RELCH: variants seen among roughly 807,000 people sequenced by gnomAD.
RELCH encodes the protein RAB11-binding protein RELCH.
A neutral mutation model predicts 150.3 loss-of-function variants in RELCH; 41 were observed. The observed-to-expected ratio is 0.27, with a 90% CI of 0.21 to 0.35. The LOEUF is 0.35. Ranked by LOEUF, RELCH falls within the 10% of genes least tolerant of loss-of-function variation. The pLI is 1.00. For synonymous variants in RELCH, 478 were observed against 531.8 expected (o/e 0.90, Z 1.39); for missense variants, 1,092 against 1,467.8 (o/e 0.74, Z 4.18).
At chr18:62,238,473 G>T (rs940546470) in intron 10 of RELCH, among the ~76,000 whole-genome samples, 2 of 151,922 alleles carry the variant, frequency 1.3e-5, no homozygotes, top group Admixed American at 1.3e-4. Flanking sequence ...CACAATTTCT[G>T]CTTTGACCGC....
intron 10 of RELCH, among the ~76,000 whole-genome samples, chr18:62,237,848 G>C (rs2041954083): frequency 6.6e-6 from 1 of 151,692 alleles, no homozygotes; most frequent in South Asian, 2.1e-4. Context: ...TTTAATCAGA[G>C]CTGTCTAATA....
At chr18:62,263,940 C>T in intron 16 of RELCH, 49 bp from the exon 17 acceptor site, 1 of 1,517,784 alleles carries the variant, frequency 6.6e-7, no homozygotes, top group South Asian at 1.2e-5. Flanking sequence ...TATCTAAGTT[C>T]CCAAAATGCC....
chr18:62,239,919 C>T (rs1018012289), intron 10 of RELCH, among the ~76,000 whole-genome samples: 2 of 151,720 alleles, frequency 1.3e-5, no homozygotes, highest in African/African-American at 4.8e-5. Flanking sequence ...CTTGTATCTT[C>T]GCTTATCAGT....
chr18:62,301,498 T>C (rs2045662500), intron 28 of RELCH, among the ~76,000 whole-genome samples: 1 of 152,236 alleles, frequency 6.6e-6, no homozygotes, highest in African/African-American at 2.4e-5. Flanking sequence ...TAAAACTTTA[T>C]TTATAAAAAC....
intron 10 of RELCH, among the ~76,000 whole-genome samples, chr18:62,239,330 C>CTT (rs1210862068): frequency 7.0e-6 from 1 of 142,846 alleles, no homozygotes. Context: ...GGTGAGTAAT[C>CTT]TTTTTTTTTT....
intron 26 of RELCH, among the ~76,000 whole-genome samples, chr18:62,290,092 A>G (rs1447283833): frequency 1.3e-5 from 2 of 152,222 alleles, no homozygotes; most frequent in Non-Finnish European, 2.9e-5. Context: ...AAATTTATAA[A>G]TCACTCATTA....
intron 25 of RELCH, among the ~76,000 whole-genome samples, chr18:62,285,034 C>T (rs529149456): frequency 6.6e-6 from 1 of 152,226 alleles, no homozygotes; most frequent in South Asian, 2.1e-4. Context: ...TTTATTCAAA[C>T]AAACAAACAA....
At position 62,228,343 on chromosome 18, in the gene RELCH, C is replaced by T. The variant is rs768704325; in HGVS notation, c.1193C>T (p.Pro398Leu). Residue 398 changes from proline (P) to leucine (L), a missense_variant, in exon 8 of 29, where the codon CCA (proline) becomes CTA (leucine). Physicochemically the swap from Pro to Leu is moderately conservative, Grantham distance 98 (BLOSUM62 -3). This residue lies in a region of RELCH where 707 missense variants were observed against 1,025.4 expected (regional missense o/e 0.69). Transcript: ENST00000644646. ...CTCAAAAATGAACACTTTGCCATCCCAGCAGTTTGTGACTCTGTTCAGCCT... is the reference window on the plus strand; with the variant it reads ...CTCAAAAATGAACACTTTGCCATCCTAGCAGTTTGTGACTCTGTTCAGCCT... Reference protein sequence around the residue: ...DFLKNEHFAIPAVCDSVQPPL... With the variant: ...DFLKNEHFAILAVCDSVQPPL... 6.8e-6 allele frequency: 11 copies of T among 1,612,704 alleles called. No individual in the cohort carries two copies. Among genetic ancestry groups the T allele is most frequent in the Non-Finnish European group, 9.3e-6 (11 of 1,179,350 alleles).
rs139058773 is a variant in RELCH, at chr18:62,258,595, C to T, written c.2121C>T (p.Tyr707=). ...SATHQVFLPA[Y]AAWTTELGNL... The stretch of plus-strand genomic sequence containing the variant: ...CACATCAAGTATTTTTACCAGCTTA[C>T]GCTGCGTGGACTACAGAACTTGGAA... The change falls in exon 15 of 29, where the codon TAC becomes TAT. Residue 707 remains tyrosine (Y), a synonymous_variant. Transcript: ENST00000644646. 3.6e-5 allele frequency: 57 copies of T among 1,604,628 alleles called. No individual in the cohort carries two copies. The highest frequency in any genetic ancestry group is 1.8e-4 in the East Asian group (8 of 44,672).
chr18:62,232,268 T>G, intron 9 of RELCH, 64 bp from the exon 10 acceptor site: 1 of 1,079,006 alleles, frequency 9.3e-7, no homozygotes, highest in Non-Finnish European at 1.4e-6. Flanking sequence ...AGAATGAACT[T>G]TTCCATATTA....
At chr18:62,299,311 T>C (rs1397956236) in intron 28 of RELCH, among the ~76,000 whole-genome samples, 1 of 152,124 alleles carries the variant, frequency 6.6e-6, no homozygotes, top group African/African-American at 2.4e-5. Context: ...TCAGTAAAAT[T>C]AAAATATAAG....
In RELCH at chr18:62,255,505, A is replaced by C. The variant is rs1198458352; in HGVS notation, c.1896+27A>C. On this transcript the variant is annotated intron_variant, in intron 13 of 28. Coordinates refer to ENST00000644646, the MANE Select transcript of RELCH (RefSeq NM_001346231.2). The stretch of plus-strand genomic sequence containing the variant: ...TAAGATTGTCTTTTTTTTTTTCTTT[A>C]AACTATTTTTCCAATAATAGAAAAA... 12 of 1,526,824 alleles carry C rather than the reference A, an allele frequency of 7.9e-6. No homozygotes were observed. The East Asian group carries it at 2.7e-4, about 34-fold the overall frequency. The allele number at this position is 1,526,824 out of a possible 1,614,324, so 94.6% of individuals were successfully genotyped here. A position where few individuals can be genotyped will look rare whatever the true frequency, so the allele number is the denominator to read the frequency against.
intron 2 of RELCH, among the ~76,000 whole-genome samples, chr18:62,219,325 C>CTTTTTTTTTTTTTTTTTTATT (rs202196452): frequency 1.8e-5 from 2 of 112,878 alleles, no homozygotes; most frequent in African/African-American, 3.4e-5. Context: ...TTCTTTTTTT[C>CTTTTTTTTTTTTTTTTTTATT]TTTTTTTTTT....
chr18:62,195,306 G>T (rs2038953945), intron 1 of RELCH, among the ~76,000 whole-genome samples: 1 of 151,866 alleles, frequency 6.6e-6, no homozygotes, highest in Non-Finnish European at 1.5e-5. Context: ...GTGTGTGTGT[G>T]TGTGTGTATA....
chr18:62,211,113 C>A, intron 1 of RELCH, 40 bp from the exon 2 acceptor site: 1 of 1,050,682 alleles, frequency 9.5e-7, no homozygotes, highest in Non-Finnish European at 1.4e-6. Context: ...CTTATTTTAA[C>A]AATTAAATTA....
intron 26 of RELCH, among the ~76,000 whole-genome samples, chr18:62,288,041 T>G (rs2044906732): frequency 6.6e-6 from 1 of 152,138 alleles, no homozygotes; most frequent in Non-Finnish European, 1.5e-5. Context: ...TGCCTTCTGT[T>G]TTTTATAGTT....
At chr18:62,266,325 C>T (rs890511571) in intron 18 of RELCH, among the ~76,000 whole-genome samples, 1 of 151,590 alleles carries the variant, frequency 6.6e-6, no homozygotes, top group Non-Finnish European at 1.5e-5. Context: ...ATGCTTTTTT[C>T]GATAATTCTA....
chr18:62,283,810 A>G (rs2044647982), intron 25 of RELCH, among the ~76,000 whole-genome samples: 1 of 152,216 alleles, frequency 6.6e-6, no homozygotes, highest in Non-Finnish European at 1.5e-5. Flanking sequence ...GCTCTGAGGC[A>G]AGGAGACCAA....
intron 20 of RELCH, among the ~76,000 whole-genome samples, chr18:62,272,834 T>C (rs1036264265): frequency 6.6e-6 from 1 of 152,120 alleles, no homozygotes; most frequent in African/African-American, 2.4e-5. Context: ...TTTCAGCTTG[T>C]TTTCCAAAGT....
Sources: gnomAD v4.1 joint callset for allele counts (sites outside exome capture counted in the v4.1 genomes callset) on GRCh38, gnomAD v4.1.1 for gene constraint, gnomAD v4.1.1 regional missense constraint, MANE v1.5 for transcripts, NCBI Gene and HGNC (gene_info 2026-07-23, HGNC 2026-07-21) for gene names.